NEK7: variants seen among roughly 807,000 people sequenced by gnomAD.
The protein encoded by NEK7 is serine/threonine-protein kinase Nek7.
A neutral mutation model predicts 44.6 loss-of-function variants in NEK7; 18 were observed. The ratio of observed to expected loss-of-function variants is 0.40; its 90% CI spans 0.28 to 0.60. The LOEUF is 0.60. Among genes scored for constraint, NEK7 ranks in the 20% least tolerant of loss-of-function variants. NEK7 has a pLI of 0.38. For missense variants in NEK7, 256 were observed against 366.5 expected (o/e 0.70, Z 2.46); for synonymous variants, 130 against 121.1 (o/e 1.07, Z -0.48).
At chr1:198,158,877 C>T (rs1306472014) in intron 1 of NEK7, among the ~76,000 whole-genome samples, 1 of 152,220 alleles carries the variant, frequency 6.6e-6, no homozygotes, top group South Asian at 2.1e-4. Context: ...GGGGAACTTG[C>T]TGGGGTAGGG....
intron 9 of NEK7, among the ~76,000 whole-genome samples, chr1:198,301,560 A>C (rs1654887001): frequency 6.6e-6 from 1 of 152,238 alleles, no homozygotes; most frequent in African/African-American, 2.4e-5. Context: ...AAAAACAAAC[A>C]AACAAAAAAG....
chr1:198,295,277 C>CA (rs998538334), intron 8 of NEK7, among the ~76,000 whole-genome samples: 25 of 150,692 alleles, frequency 1.7e-4, no homozygotes, highest in East Asian at 3.9e-4. Context: ...GCTTACAGTT[C>CA]AAAAAAAAAG....
At chr1:198,296,144 C>T (rs1354350903) in intron 8 of NEK7, among the ~76,000 whole-genome samples, 1 of 152,142 alleles carries the variant, frequency 6.6e-6, no homozygotes, top group Non-Finnish European at 1.5e-5. Flanking sequence ...CTGAGTAGCA[C>T]AGCATGGACT....
rs991120554 is a variant in NEK7, at chr1:198,319,338, T to A, written c.799-74T>A. 12 of 905,788 alleles carry A rather than the reference T, an allele frequency of 1.3e-5. No individual in the cohort carries two copies. The South Asian group carries it at 1.9e-4, about 15-fold the overall frequency. The allele number at this position is 905,788 out of a possible 1,614,324, so 56.1% of individuals were successfully genotyped here. The stretch of plus-strand genomic sequence containing the variant: ...TCCTTGTAAAATCTATAGCTATTCA[T>A]AATTTCTTCCTCTCAGTAAACTAAC... On this transcript the variant is annotated intron_variant, in intron 9 of 9. Transcript: ENST00000367385.
intron 8 of NEK7, among the ~76,000 whole-genome samples, chr1:198,294,965 A>G (rs1391739120): frequency 6.6e-6 from 1 of 152,158 alleles, no homozygotes; most frequent in Non-Finnish European, 1.5e-5. Context: ...ATTGGTCATA[A>G]CATCACGTAT....
intron 1 of NEK7, among the ~76,000 whole-genome samples, chr1:198,180,214 G>C (rs1664726165): frequency 6.6e-6 from 1 of 151,562 alleles, no homozygotes; most frequent in Admixed American, 6.6e-5. Flanking sequence ...GGTGCTTCCA[G>C]TTAAAAGTAA....
intron 1 of NEK7, among the ~76,000 whole-genome samples, chr1:198,230,809 C>A (rs78639974): frequency 0.063 from 9,543 of 151,832 alleles, 400 homozygotes; most frequent in Non-Finnish European, 0.096. Flanking sequence ...TAAAAAACCC[C>A]ACCATTTACA....
At chr1:198,272,698 T>C (rs1490534734) in intron 5 of NEK7, among the ~76,000 whole-genome samples, 2 of 151,930 alleles carry the variant, frequency 1.3e-5, no homozygotes, top group South Asian at 2.1e-4. Context: ...TATTTTCTTA[T>C]CAGTTTTAGT....
chr1:198,282,257 C>A (rs1437959201), intron 7 of NEK7, among the ~76,000 whole-genome samples: 3 of 152,066 alleles, frequency 2.0e-5, no homozygotes, highest in Admixed American at 2.0e-4. Context: ...AAGACACTAT[C>A]TGATTGTGTT....
chr1:198,247,309 T>C (rs1666860076), intron 2 of NEK7, among the ~76,000 whole-genome samples: 1 of 152,182 alleles, frequency 6.6e-6, no homozygotes, highest in Non-Finnish European at 1.5e-5. Flanking sequence ...TGAAAATATC[T>C]GTGGATCATC....
At chr1:198,202,681 G>A (rs550998718) in intron 1 of NEK7, among the ~76,000 whole-genome samples, 1 of 152,210 alleles carries the variant, frequency 6.6e-6, no homozygotes, top group Non-Finnish European at 1.5e-5. Context: ...CAGCAGATGA[G>A]AGAATGAGAG....
chr1:198,177,303 A>C (rs1341626606), intron 1 of NEK7, among the ~76,000 whole-genome samples: 1 of 152,176 alleles, frequency 6.6e-6, no homozygotes, highest in Non-Finnish European at 1.5e-5. Context: ...GAAGGGATCA[A>C]AGTGTTCTCT....
At chr1:198,204,735 A>G (rs1210917083) in intron 1 of NEK7, among the ~76,000 whole-genome samples, 8 of 151,758 alleles carry the variant, frequency 5.3e-5, no homozygotes, top group Non-Finnish European at 1.0e-4. Context: ...AAAAAAAAAA[A>G]AAAGAAACTC....
chr1:198,282,279 A>G (rs571523392), intron 7 of NEK7, among the ~76,000 whole-genome samples: 36 of 151,938 alleles, frequency 2.4e-4, no homozygotes, highest in Non-Finnish European at 5.3e-4. Flanking sequence ...CTTTCCTCAA[A>G]ATCCTCCTTG....
intron 1 of NEK7, among the ~76,000 whole-genome samples, chr1:198,185,579 C>T (rs1664897473): frequency 6.6e-6 from 1 of 151,994 alleles, no homozygotes; most frequent in African/African-American, 2.4e-5. Context: ...GTAAGAAACA[C>T]CTTATTTTGA....
At chr1:198,184,131 C>A (rs1210124744) in intron 1 of NEK7, among the ~76,000 whole-genome samples, 4 of 152,186 alleles carry the variant, frequency 2.6e-5, no homozygotes, top group Non-Finnish European at 5.9e-5. Flanking sequence ...TTTGTTATTA[C>A]TGCTGTATAG....
In NEK7 at chr1:198,185,190, A is replaced by ATT. The variant is rs919588030; in HGVS notation, c.-29+27936_-29+27937dup. ...TTTTACATAGTAGTACATGCTGTCT[A>ATT]TTTTTTTTTTTTTTTTTTTTTTTGG... is the stretch of plus-strand genomic sequence containing the variant. On this transcript the variant is annotated intron_variant, in intron 1 of 9. Transcript: ENST00000367385. Among the ~76,000 whole-genome samples, 709 of 83,740 alleles carry ATT rather than the reference A, an allele frequency of 8.5e-3. 3 individuals carry two copies. Among genetic ancestry groups the ATT allele is most frequent in the African/African-American group, 0.014 (289 of 20,742 alleles). 54.9% of individuals were successfully genotyped at this position (83,740 alleles called of 152,430 possible).
intron 5 of NEK7, among the ~76,000 whole-genome samples, chr1:198,268,254 G>A (rs144115699): frequency 9.2e-5 from 14 of 151,466 alleles, no homozygotes; most frequent in African/African-American, 1.2e-4. Flanking sequence ...AGCATGGAGC[G>A]CTCTTTAAAT....
chr1:198,268,750 G>T (rs1415364554), intron 5 of NEK7, among the ~76,000 whole-genome samples: 1 of 152,124 alleles, frequency 6.6e-6, no homozygotes, highest in African/African-American at 2.4e-5. Context: ...ATCCGAGTCC[G>T]TTTTGTGTAT....
Sources: gnomAD v4.1 joint callset for allele counts (sites outside exome capture counted in the v4.1 genomes callset) on GRCh38, gnomAD v4.1.1 for gene constraint, MANE v1.5 for transcripts, NCBI Gene and HGNC (gene_info 2026-07-23, HGNC 2026-07-21) for gene names.